The following STAMBP variants were observed in gnomAD, a reference collection of about 807,000 sequenced individuals.
The protein encoded by STAMBP is STAM-binding protein.
Under a neutral mutation model 50.7 loss-of-function variants are expected in STAMBP, and 31 were observed. That is an observed-to-expected ratio of 0.61 (90% confidence interval 0.46 to 0.83). The LOEUF (loss-of-function observed/expected upper bound fraction) is 0.83. Ranked by LOEUF, STAMBP falls within the 40% of genes least tolerant of loss-of-function variation. The pLI is 0.00. For missense variants in STAMBP, 472 were observed against 518.9 expected (o/e 0.91, Z 0.88); for synonymous variants, 211 against 192.4 (o/e 1.10, Z -0.80).
chr2:73,834,284 T>A lies in STAMBP; in HGVS notation c.203+3225T>A, dbSNP rs1279912141. Among the ~76,000 whole-genome samples the A allele has an allele frequency of 5.3e-5, 5 of 95,054 alleles. 1 individual carries two copies. Among genetic ancestry groups the A allele is most frequent in the African/African-American group, 2.2e-4 (5 of 22,342 alleles). 62.4% of individuals were successfully genotyped at this position (95,054 alleles called of 152,430 possible). Reference sequence around the variant, plus strand: ...ATATATATATATATATATATATATATATAAAGTTTTTGACTCCCCAGAAAC... The same window carrying A: ...ATATATATATATATATATATATATAAATAAAGTTTTTGACTCCCCAGAAAC... On this transcript the variant is annotated intron_variant, in intron 2 of 9. Coordinates refer to ENST00000394070, the MANE Select transcript of STAMBP (RefSeq NM_213622.4).
chr2:73,871,992 C>T (rs1052403318), downstream of STAMBP, among the ~76,000 whole-genome samples: 2 of 151,990 alleles, frequency 1.3e-5, no homozygotes, highest in African/African-American at 4.8e-5. Flanking sequence ...AAGCTGGTCT[C>T]AAACTCCTGA....
At chr2:73,860,023 A>T in intron 8 of STAMBP, 29 bp from the exon 9 acceptor site, 1 of 1,578,094 alleles carries the variant, frequency 6.3e-7, no homozygotes, top group Non-Finnish European at 8.7e-7. Flanking sequence ...CCTTTGCTTG[A>T]CTCTTAGCCT....
rs982458245 is a variant in STAMBP, at chr2:73,829,367, C to T, written c.-156C>T. 1.3e-5 allele frequency: 2 copies of T among 152,574 alleles called. No homozygotes were observed. Among genetic ancestry groups the T allele is most frequent in the Non-Finnish European group, 2.9e-5 (2 of 68,328 alleles). 9.5% of individuals were successfully genotyped at this position (152,574 alleles called of 1,614,324 possible). ...TTCCTTTCTCCTCCTCGTATTTCCC[C>T]CTCGGTCCTTTACGCCGCCTTTCCC... is the stretch of plus-strand genomic sequence containing the variant. On this transcript the variant is annotated 5_prime_UTR_variant, in exon 1 of 10. Coordinates refer to ENST00000394070, the MANE Select transcript of STAMBP (RefSeq NM_213622.4).
Position 73,859,341 on chromosome 2 carries a change from A to G in STAMBP, c.1093A>G (p.Ile365Val). 1 of 1,614,018 alleles carries G rather than the reference A, an allele frequency of 6.2e-7. No individual in the cohort carries two copies. The highest frequency in any genetic ancestry group is 1.7e-5 in the Admixed American group (1 of 60,018). ...YQMMLPESVA[I>V]VCSPKFQETG... ...GATGATGTTGCCAGAGTCAGTAGCCATTGTTTGCTCCCCCAAGTTCCAGGA... is the reference window on the plus strand; with the variant it reads ...GATGATGTTGCCAGAGTCAGTAGCCGTTGTTTGCTCCCCCAAGTTCCAGGA... Residue 365 changes from isoleucine to valine, a missense_variant, in exon 8 of 10, where the codon ATT (isoleucine) becomes GTT (valine). By Grantham distance (29) the Ile-to-Val change is conservative. Transcript: ENST00000394070.
chr2:73,843,161 T>C (rs954748819), intron 2 of STAMBP, among the ~76,000 whole-genome samples: 2 of 150,614 alleles, frequency 1.3e-5, no homozygotes, highest in African/African-American at 4.9e-5. Context: ...CTTTTAAATA[T>C]AGACTTCAAG....
intron 4 of STAMBP, among the ~76,000 whole-genome samples, chr2:73,846,260 C>G (rs781356746): frequency 6.6e-6 from 1 of 151,412 alleles, no homozygotes; most frequent in Non-Finnish European, 1.5e-5. Flanking sequence ...CTGTGTTGAA[C>G]AAATGCACAA....
At chr2:73,837,584 CAAAAAAAAA>C (rs56397494) in intron 2 of STAMBP, among the ~76,000 whole-genome samples, 5 of 40,914 alleles carry the variant, frequency 1.2e-4, no homozygotes, top group Admixed American at 3.6e-4. Context: ...GACTCCATCT[CAAAAAAAAA>C]AAAAAAAAAA....
At chr2:73,847,244 T>C (rs1040302697) in intron 4 of STAMBP, 143 bp from the exon 5 acceptor site, 2 of 1,025,182 alleles carry the variant, frequency 2.0e-6, no homozygotes, top group Middle Eastern at 3.1e-4. Context: ...ATAAAGATAC[T>C]GAGGAAAGCA....
At chr2:73,836,566 C>T (rs1174071398) in intron 2 of STAMBP, among the ~76,000 whole-genome samples, 6 of 152,232 alleles carry the variant, frequency 3.9e-5, no homozygotes, top group East Asian at 1.9e-4. Context: ...CAGCCCTGAG[C>T]AGGGGAAAGG....
Position 73,862,251 on chromosome 2 carries a change from C to G in STAMBP, c.1267C>G (p.Leu423Val), listed in dbSNP as rs751186424. Residue 423 changes from leucine to valine, a missense_variant, in exon 10 of 10, where the codon CTT (leucine) becomes GTT (valine). Transcript: ENST00000394070. The stretch of plus-strand genomic sequence containing the variant: ...GGACAGAGCAGTGACCATCACAGAC[C>G]TTCGATGAGCGTTTGAGTCCAACAC... The part of the protein sequence containing the change: ...VVDRAVTITD[L>V]R 6.2e-7 allele frequency: 1 copy of G among 1,611,970 alleles called. No individual in the cohort carries two copies. Among genetic ancestry groups the G allele is most frequent in the Admixed American group, 1.7e-5 (1 of 59,484 alleles).
At chr2:73,853,867 A>T (rs1035138032) in intron 7 of STAMBP, among the ~76,000 whole-genome samples, 1 of 152,252 alleles carries the variant, frequency 6.6e-6, no homozygotes, top group African/African-American at 2.4e-5. Context: ...CTTCGTTTAT[A>T]ATTTCACCAC....
chr2:73,843,777 A>G (rs1675733339), intron 2 of STAMBP, among the ~76,000 whole-genome samples: 1 of 152,240 alleles, frequency 6.6e-6, no homozygotes, highest in South Asian at 2.1e-4. Flanking sequence ...TCTTCTTCCA[A>G]TTACTTCTGC....
rs576322474 is a variant in STAMBP at position 73,845,856 on chromosome 2, T to A, written c.375+594T>A. On this transcript the variant is annotated intron_variant, in intron 4 of 9. Coordinates refer to ENST00000394070, the MANE Select transcript of STAMBP (RefSeq NM_213622.4). Reference sequence around the variant, plus strand: ...CATGTTGGCCAAGATGGTCTCAAACTCCTGACCTCAAGTGATCCGCCTGCC... The same window carrying A: ...CATGTTGGCCAAGATGGTCTCAAACACCTGACCTCAAGTGATCCGCCTGCC... Among the ~76,000 whole-genome samples, 4 of 152,352 alleles carry A rather than the reference T, an allele frequency of 2.6e-5. No homozygotes were observed. In the East Asian group the frequency reaches 5.8e-4, roughly 22 times the overall value.
chr2:73,851,041 C>T (rs936566310), intron 7 of STAMBP, among the ~76,000 whole-genome samples: 11 of 152,320 alleles, frequency 7.2e-5, no homozygotes, highest in South Asian at 2.1e-4. Flanking sequence ...ATAATGCCTT[C>T]CCTAAAGATT....
At chr2:73,868,996 C>T (rs1349718272), downstream of STAMBP, among the ~76,000 whole-genome samples, 1 of 152,200 alleles carries the variant, frequency 6.6e-6, no homozygotes, top group Non-Finnish European at 1.5e-5. Context: ...CAAGATAGAT[C>T]CATTCTAACT....
intron 2 of STAMBP, among the ~76,000 whole-genome samples, chr2:73,831,796 A>G (rs1673958528): frequency 6.6e-6 from 1 of 152,090 alleles, no homozygotes; most frequent in African/African-American, 2.4e-5. Context: ...TCACCTGCAT[A>G]ATTTCATTTG....
At position 73,830,905 on chromosome 2, in the gene STAMBP, G is replaced by A. The variant is rs1264087605; in HGVS notation, c.49G>A (p.Ala17Thr). ...VSLPPEDRVR[A>T]LSQLGSAVEV... ...CCTCCCGCCCGAAGACCGGGTGAGG[G>A]CTCTCTCCCAGCTGGGTAGTGCGGT... The change falls in exon 2 of 10, where the codon GCT becomes ACT. Residue 17 changes from alanine to threonine, a missense_variant. By Grantham distance (58) the Ala-to-Thr change is moderately conservative. Coordinates refer to ENST00000394070, the MANE Select transcript of STAMBP (RefSeq NM_213622.4). 3 of 1,613,942 alleles carry A rather than the reference G, an allele frequency of 1.9e-6. No individual in the cohort carries two copies. Among genetic ancestry groups the A allele is most frequent in the Admixed American group, 3.3e-5 (2 of 60,024 alleles).
chr2:73,844,703 C>G (rs916647010), intron 2 of STAMBP, 110 bp from the exon 3 acceptor site: 1 of 862,936 alleles, frequency 1.2e-6, no homozygotes, highest in African/African-American at 1.7e-5. Context: ...CTCCGCTGCA[C>G]TTCTGGAACC....
intron 7 of STAMBP, among the ~76,000 whole-genome samples, chr2:73,859,039 A>T (rs951078662): frequency 1.3e-5 from 2 of 152,248 alleles, no homozygotes; most frequent in Admixed American, 6.5e-5. Flanking sequence ...GGAAGAGATT[A>T]ACAACAACTA....
Sources: gnomAD v4.1 joint callset for allele counts (sites outside exome capture counted in the v4.1 genomes callset) on GRCh38, gnomAD v4.1.1 for gene constraint, MANE v1.5 for transcripts, NCBI Gene and HGNC (gene_info 2026-07-23, HGNC 2026-07-21) for gene names.